Variants in FAM167A observed in about 807,000 individuals in gnomAD.
FAM167A encodes family with sequence similarity 167 member A.
A neutral mutation model predicts 14.9 loss-of-function variants in FAM167A; 23 were observed. The ratio of observed to expected loss-of-function variants is 1.55; its 90% CI spans 1.11 to 2.19. The LOEUF (loss-of-function observed/expected upper bound fraction) is 2.19. FAM167A is among the 30% of genes most tolerant of loss of function. FAM167A has a pLI of 0.00. For synonymous variants in FAM167A, 174 were observed against 117.7 expected (o/e 1.48, Z -3.10); for missense variants, 401 against 281.5 (o/e 1.42, Z -3.04).
intron 2 of FAM167A, among the ~76,000 whole-genome samples, chr8:11,425,170 CAA>C (rs1805050707): frequency 6.6e-6 from 1 of 152,136 alleles, no homozygotes; most frequent in Admixed American, 6.5e-5. Context: ...AACAGCCAAA[CAA>C]AAATTGGTTC....
chr8:11,464,057 T>C (rs1257170221), intron 1 of FAM167A, among the ~76,000 whole-genome samples: 11 of 152,130 alleles, frequency 7.2e-5, no homozygotes, highest in Admixed American at 7.2e-4. Context: ...GGGCTACTGC[T>C]CAGCAAAGTC....
At chr8:11,461,528 C>A (rs1204179447) in intron 1 of FAM167A, among the ~76,000 whole-genome samples, 2 of 152,234 alleles carry the variant, frequency 1.3e-5, no homozygotes, top group Non-Finnish European at 1.5e-5. Context: ...GAATGCAGCG[C>A]AGGCCGGTAC....
At chr8:11,471,202 G>A (rs1301491919), upstream of FAM167A, among the ~76,000 whole-genome samples, 1 of 152,196 alleles carries the variant, frequency 6.6e-6, no homozygotes, top group Non-Finnish European at 1.5e-5. Flanking sequence ...GGCAGCAGAG[G>A]GAACTGCATC....
chr8:11,456,593 G>A (rs1220630413), intron 1 of FAM167A, among the ~76,000 whole-genome samples: 1 of 151,514 alleles, frequency 6.6e-6, no homozygotes, highest in African/African-American at 2.4e-5. Flanking sequence ...GTGTGAGAGT[G>A]TGGGTAGCTG....
chr8:11,427,049 C>T (rs1321640275), intron 2 of FAM167A, among the ~76,000 whole-genome samples: 2 of 152,080 alleles, frequency 1.3e-5, no homozygotes, highest in Admixed American at 1.3e-4. Context: ...CTTTGTGGGC[C>T]AATTGTGAGG....
intron 2 of FAM167A, among the ~76,000 whole-genome samples, chr8:11,436,491 C>T (rs916278626): frequency 3.3e-5 from 5 of 152,190 alleles, no homozygotes; most frequent in Non-Finnish European, 7.4e-5. Context: ...GGCCATGCTG[C>T]TGGGGGTCTC....
At chr8:11,434,256 C>T (rs1031316686) in intron 2 of FAM167A, 3 of 152,252 alleles carry the variant, frequency 2.0e-5, no homozygotes, top group Non-Finnish European at 4.4e-5. Context: ...GAGCCGAGGC[C>T]GCACTCACGC....
chr8:11,432,155 T>A (rs374961312), intron 2 of FAM167A, among the ~76,000 whole-genome samples: 1 of 152,202 alleles, frequency 6.6e-6, no homozygotes, highest in African/African-American at 2.4e-5. Flanking sequence ...ATACTCTTAG[T>A]TGCCAATGAG....
intron 2 of FAM167A, among the ~76,000 whole-genome samples, chr8:11,437,156 G>A (rs1286771279): frequency 1.3e-5 from 2 of 152,212 alleles, no homozygotes; most frequent in Admixed American, 1.3e-4. Flanking sequence ...CATGGTGGGT[G>A]AATCCAGACC....
At position 11,422,227 on chromosome 8, in the gene FAM167A, A is replaced by G. The variant is rs1286565966; in HGVS notation, c.*2146T>C. ...AGCTAAATCTTTCCATTTTCGCTGA[A>G]CCCAATGGTTTCGGTTACTGTAATG... On this transcript the variant is annotated 3_prime_UTR_variant, in exon 3 of 3. Coordinates refer to ENST00000284486, the MANE Select transcript of FAM167A (RefSeq NM_053279.3). The G allele has an allele frequency of 5.9e-6, 1 of 169,430 alleles. No individual in the cohort carries two copies. Among genetic ancestry groups the G allele is most frequent in the African/African-American group, 2.4e-5 (1 of 42,152 alleles). The allele number at this position is 169,430 out of a possible 1,614,324, so 10.5% of individuals were successfully genotyped here.
At chr8:11,448,385 C>T (rs951156833) in intron 1 of FAM167A, among the ~76,000 whole-genome samples, 1 of 152,258 alleles carries the variant, frequency 6.6e-6, no homozygotes, top group East Asian at 1.9e-4. Context: ...GCCTGGTCTA[C>T]AGGAAGCCCT....
chr8:11,424,653 G>A lies in FAM167A; in HGVS notation c.382-17C>T. ...CATCTCCGTCTGGAAGGGAGGGGGA[G>A]CAGGCAGGGTCAGCAGAGAGTGGCT... On this transcript the variant is annotated splice_polypyrimidine_tract_variant and intron_variant, in intron 2 of 2. Coordinates refer to ENST00000284486, the MANE Select transcript of FAM167A (RefSeq NM_053279.3). 6.2e-7 allele frequency: 1 copy of A among 1,612,268 alleles called. No individual in the cohort carries two copies. Among genetic ancestry groups the A allele is most frequent in the Non-Finnish European group, 8.5e-7 (1 of 1,179,354 alleles).
intron 2 of FAM167A, among the ~76,000 whole-genome samples, chr8:11,429,760 A>AAC (rs1408467686): frequency 6.6e-6 from 1 of 152,106 alleles, no homozygotes; most frequent in Non-Finnish European, 1.5e-5. Flanking sequence ...CCTGGGTTAG[A>AAC]ACCCAGGTTC....
intron 1 of FAM167A, 36 bp from the exon 2 acceptor site, chr8:11,444,844 C>G (rs1191991930): frequency 1.0e-6 from 1 of 992,116 alleles, no homozygotes; most frequent in Non-Finnish European, 1.2e-6. Flanking sequence ...AGTCCCGATC[C>G]CTGCCCTGCC....
chr8:11,432,607 C>T (rs955332674), intron 2 of FAM167A, among the ~76,000 whole-genome samples: 9 of 152,154 alleles, frequency 5.9e-5, no homozygotes, highest in African/African-American at 1.9e-4. Flanking sequence ...AATGCTTTTA[C>T]ACTGTTGGGA....
At chr8:11,429,995 G>A (rs1231494017) in intron 2 of FAM167A, among the ~76,000 whole-genome samples, 2 of 152,238 alleles carry the variant, frequency 1.3e-5, no homozygotes, top group African/African-American at 2.4e-5. Flanking sequence ...CCAAGGCACA[G>A]AACATGGAAC....
chr8:11,443,209 G>T (rs533758466), intron 2 of FAM167A, among the ~76,000 whole-genome samples: 2 of 152,182 alleles, frequency 1.3e-5, no homozygotes, highest in Non-Finnish European at 2.9e-5. Flanking sequence ...TGCCAGACAC[G>T]GGTGATTCTC....
rs1198523653 is a variant in FAM167A at position 11,444,382 on chromosome 8, T to C, written c.30A>G (p.Glu10=). The change falls in exon 2 of 3, where the codon GAA becomes GAG. Residue 10 remains glutamate (E), a synonymous_variant. Coordinates refer to ENST00000284486, the MANE Select transcript of FAM167A (RefSeq NM_053279.3). The stretch of plus-strand genomic sequence containing the variant: ...CTCCCGCCCCCTCTTCTGCACCCAC[T>C]TCTTCCACGTGGATCTGGGGCACAG... MSVPQIHVE[E]VGAEEGAGAA... 3.2e-6 allele frequency: 5 copies of C among 1,564,210 alleles called. No individual in the cohort carries two copies. The highest frequency in any genetic ancestry group is 4.3e-6 in the Non-Finnish European group (5 of 1,154,824).
intron 1 of FAM167A, among the ~76,000 whole-genome samples, chr8:11,446,219 G>C (rs1175110337): frequency 6.6e-6 from 1 of 152,176 alleles, no homozygotes; most frequent in East Asian, 1.9e-4. Context: ...TAAGAAAGGA[G>C]AGCAGAACTT....
Sources: allele counts gnomAD v4.1 joint callset (sites outside exome capture counted in the v4.1 genomes callset), GRCh38; gene constraint gnomAD v4.1.1; transcripts MANE v1.5; gene names NCBI Gene and HGNC (gene_info 2026-07-23, HGNC 2026-07-21).